Variants in CTNNAL1 observed in about 807,000 individuals in gnomAD.
CTNNAL1 encodes alpha-catulin.
A neutral mutation model predicts 93.6 loss-of-function variants in CTNNAL1; 69 were observed. The ratio of observed to expected loss-of-function variants is 0.74; its 90% CI spans 0.61 to 0.90. The LOEUF (loss-of-function observed/expected upper bound fraction) is 0.90, where lower values mean the gene tolerates loss of function less well. CTNNAL1 is among the 40% of genes least tolerant of loss of function. The pLI, the probability that CTNNAL1 is intolerant of heterozygous loss-of-function variation, is 0.00. For synonymous variants in CTNNAL1, 286 were observed against 305.4 expected, an observed-to-expected ratio of 0.94 and a Z score of 0.66; for missense variants, 836 against 862.0, an observed-to-expected ratio of 0.97 and a Z score of 0.38.
At chr9:108,956,191 G>GTCTTT (rs1830684470) in intron 11 of CTNNAL1, among the ~76,000 whole-genome samples, 3 of 152,254 alleles carry the variant, frequency 2.0e-5, no homozygotes, top group Admixed American at 1.3e-4. Flanking sequence ...ATCAGTACCA[G>GTCTTT]TATCAGCGCT....
At chr9:108,949,993 C>T (rs1261960520) in intron 14 of CTNNAL1, among the ~76,000 whole-genome samples, 2 of 146,016 alleles carry the variant, frequency 1.4e-5, no homozygotes, top group African/African-American at 5.1e-5. Flanking sequence ...CACTGCACTC[C>T]AGCCTGGGTG....
chr9:108,994,222 C>T (rs1003168872), intron 2 of CTNNAL1, among the ~76,000 whole-genome samples: 5 of 149,828 alleles, frequency 3.3e-5, no homozygotes, highest in Non-Finnish European at 5.9e-5. Context: ...CAGAGTGAGA[C>T]TTGGTCTCAA....
intron 1 of CTNNAL1, among the ~76,000 whole-genome samples, chr9:109,012,179 C>T (rs2132230180): frequency 6.6e-6 from 1 of 152,264 alleles, no homozygotes; most frequent in Middle Eastern, 3.4e-3. Flanking sequence ...AATCCAGGGA[C>T]ATGTGTAACT....
chr9:108,962,547 G>A (rs1015615236), intron 11 of CTNNAL1, among the ~76,000 whole-genome samples: 1 of 152,194 alleles, frequency 6.6e-6, no homozygotes, highest in Non-Finnish European at 1.5e-5. Flanking sequence ...GTACAAAGAA[G>A]CAAGGAGTTT....
chr9:109,001,408 CCCT>C (rs1826823893), intron 1 of CTNNAL1, among the ~76,000 whole-genome samples: 1 of 152,094 alleles, frequency 6.6e-6, no homozygotes, highest in East Asian at 1.9e-4. Flanking sequence ...ACAAATTCTC[CCCT>C]CAAGAGGGAG....
intron 1 of CTNNAL1, among the ~76,000 whole-genome samples, chr9:109,005,724 T>C (rs147131639): frequency 4.9e-4 from 75 of 152,330 alleles, no homozygotes; most frequent in African/African-American, 1.8e-3. Flanking sequence ...CAGATTAAGG[T>C]GATTCTGTTT....
rs760564053 is a variant in CTNNAL1 at position 108,972,850 on chromosome 9, G to A, written c.1189-17C>T. 28 of 1,411,482 alleles carry A rather than the reference G, an allele frequency of 2.0e-5. No individual in the cohort carries two copies. Among genetic ancestry groups the A allele is most frequent in the Admixed American group, 1.3e-4 (5 of 37,214 alleles). 87.4% of individuals were successfully genotyped at this position (1,411,482 alleles called of 1,614,324 possible). A position where few individuals can be genotyped will look rare whatever the true frequency, so the allele number is the denominator to read the frequency against. On this transcript the variant is annotated splice_polypyrimidine_tract_variant and intron_variant, in intron 8 of 18. Coordinates refer to ENST00000325551, the MANE Select transcript of CTNNAL1 (RefSeq NM_003798.4). ...ACTATGAAGCTGCAGATGTGTGTGT[G>A]GGTGGGGGGGTGGGAGGGTGGAGAA...
At chr9:108,968,459 C>G (rs1587959108) in intron 10 of CTNNAL1, among the ~76,000 whole-genome samples, 1 of 152,172 alleles carries the variant, frequency 6.6e-6, no homozygotes, top group African/African-American at 2.4e-5. Context: ...AACCAGATGG[C>G]AAGCAGGGCC....
intron 11 of CTNNAL1, among the ~76,000 whole-genome samples, chr9:108,957,101 C>T (rs1255215056): frequency 1.4e-5 from 2 of 147,164 alleles, no homozygotes; most frequent in African/African-American, 2.5e-5. Flanking sequence ...TTTAATTTTT[C>T]TTGTGCCTGT....
chr9:109,008,406 C>CA (rs1827101760), intron 1 of CTNNAL1, among the ~76,000 whole-genome samples: 1 of 152,104 alleles, frequency 6.6e-6, no homozygotes, highest in Non-Finnish European at 1.5e-5. Context: ...CTCAGCCTCC[C>CA]AAAGTGCTGG....
intron 15 of CTNNAL1, among the ~76,000 whole-genome samples, chr9:108,947,403 G>A (rs1239930182): frequency 2.6e-5 from 4 of 152,062 alleles, no homozygotes; most frequent in Non-Finnish European, 4.4e-5. Context: ...GTGAGCCACC[G>A]CGCCTGGCCT....
chr9:108,988,005 T>C (rs1449802487), intron 4 of CTNNAL1, among the ~76,000 whole-genome samples: 1 of 152,226 alleles, frequency 6.6e-6, no homozygotes, highest in Non-Finnish European at 1.5e-5. Flanking sequence ...CTTTTCCTAA[T>C]TGAACACCCT....
intron 1 of CTNNAL1, among the ~76,000 whole-genome samples, chr9:108,999,693 G>A (rs961886184): frequency 4.6e-5 from 7 of 152,114 alleles, no homozygotes; most frequent in African/African-American, 1.4e-4. Flanking sequence ...TGGAGCACAG[G>A]CTGTACAAAA....
chr9:108,972,583 A>G, intron 9 of CTNNAL1, 92 bp downstream of exon 9: 1 of 1,141,078 alleles, frequency 8.8e-7, no homozygotes, highest in Non-Finnish European at 1.2e-6. Context: ...GCTCAGATAA[A>G]TTAACCCAAA....
At chr9:108,997,945 T>C (rs1832083459) in intron 2 of CTNNAL1, among the ~76,000 whole-genome samples, 1 of 152,222 alleles carries the variant, frequency 6.6e-6, no homozygotes, top group Non-Finnish European at 1.5e-5. Context: ...CCAGTTACCC[T>C]TTTAAAAATA....
At chr9:109,000,499 T>C (rs1385727517) in intron 1 of CTNNAL1, among the ~76,000 whole-genome samples, 1 of 151,960 alleles carries the variant, frequency 6.6e-6, no homozygotes, top group Non-Finnish European at 1.5e-5. Context: ...CATAAATAGG[T>C]AAACAAAAAA....
intron 1 of CTNNAL1, among the ~76,000 whole-genome samples, chr9:109,008,706 T>A (rs956186020): frequency 3.3e-5 from 5 of 152,122 alleles, no homozygotes; most frequent in African/African-American, 1.2e-4. Flanking sequence ...AGCTGTTTCC[T>A]CTTCTGTGAA....
At chr9:108,973,680 CT>C (rs11330919) in intron 8 of CTNNAL1, among the ~76,000 whole-genome samples, 11,383 of 111,014 alleles carry the variant, frequency 0.1, 510 homozygotes, top group Admixed American at 0.17. Flanking sequence ...CTTATCTTGC[CT>C]TTTTTTTTTT....
intron 4 of CTNNAL1, among the ~76,000 whole-genome samples, chr9:108,989,825 G>A (rs1007999173): frequency 2.6e-5 from 4 of 152,198 alleles, no homozygotes; most frequent in East Asian, 1.9e-4. Flanking sequence ...TGAGGCGGGC[G>A]GATCACCTGA....
Sources: allele counts gnomAD v4.1 joint callset (sites outside exome capture counted in the v4.1 genomes callset), GRCh38; gene constraint gnomAD v4.1.1; transcripts MANE v1.5; gene names NCBI Gene and HGNC (gene_info 2026-07-23, HGNC 2026-07-21).